RNF220: variants seen among roughly 807,000 people sequenced by gnomAD.
RNF220 encodes the protein ring finger protein 220, also known as E3 ubiquitin-protein ligase RNF220.
RNF220 carries 7 observed loss-of-function variants against 67.1 expected under a neutral mutation model. The observed-to-expected ratio is 0.10, with a 90% CI of 0.06 to 0.20. RNF220 has a LOEUF of 0.20. Ranked by LOEUF, RNF220 falls within the 10% of genes least tolerant of loss-of-function variation. The pLI is 1.00. For missense variants in RNF220, 565 were observed against 740.3 expected (o/e 0.76, Z 2.75); for synonymous variants, 270 against 283.2 (o/e 0.95, Z 0.47).
At chr1:44,607,926 T>C (rs1394353374) in intron 2 of RNF220, among the ~76,000 whole-genome samples, 5 of 32,026 alleles carry the variant, frequency 1.6e-4, no homozygotes, top group South Asian at 1.0e-3. Context: ...TTCTGTGTAC[T>C]TTTTTTTTTT....
Position 44,518,788 on chromosome 1 carries a change from T to C in RNF220, c.626-95377T>C, listed in dbSNP as rs1377411910. Among the ~76,000 whole-genome samples the C allele has an allele frequency of 2.0e-5, 3 of 151,434 alleles. No individual in the cohort carries two copies. In the East Asian group the frequency reaches 5.8e-4, roughly 29 times the overall value. ...TACTCGGGAGGCTGAGGCAGGAGAA[T>C]GGCGTGAACCCGGGAGGCAGAGCTT... On this transcript the variant is annotated intron_variant, in intron 2 of 14. Coordinates refer to ENST00000361799, the MANE Select transcript of RNF220 (RefSeq NM_018150.4).
chr1:44,603,752 C>G (rs972858558), intron 2 of RNF220, among the ~76,000 whole-genome samples: 1 of 152,210 alleles, frequency 6.6e-6, no homozygotes, highest in African/African-American at 2.4e-5. Context: ...TTGTTCCCTC[C>G]CTAGGGTTCT....
At chr1:44,514,077 C>T (rs1054868605) in intron 2 of RNF220, among the ~76,000 whole-genome samples, 7 of 152,034 alleles carry the variant, frequency 4.6e-5, no homozygotes, top group African/African-American at 1.2e-4. Flanking sequence ...ATCCTTGTAT[C>T]GCTTAGTCCT....
chr1:44,405,715 A>G (rs944214487), intron 1 of RNF220, among the ~76,000 whole-genome samples, 185 bp downstream of exon 1: 3 of 150,934 alleles, frequency 2.0e-5, no homozygotes, highest in African/African-American at 2.4e-5. Context: ...ATCGCGACGG[A>G]GCCTCTCGGC....
At chr1:44,436,842 C>T (rs537737743) in intron 2 of RNF220, among the ~76,000 whole-genome samples, 2 of 152,276 alleles carry the variant, frequency 1.3e-5, no homozygotes, top group Middle Eastern at 6.8e-3. Flanking sequence ...AGCGCCCTCT[C>T]GTCTGTTTAC....
intron 2 of RNF220, among the ~76,000 whole-genome samples, chr1:44,502,440 G>T (rs1557988541): frequency 6.6e-6 from 1 of 152,108 alleles, no homozygotes; most frequent in Admixed American, 6.5e-5. Flanking sequence ...ATAAAAATGG[G>T]ATTATTCTTA....
chr1:44,590,674 G>C lies in RNF220; in HGVS notation c.626-23491G>C, dbSNP rs188086923. ...CAGGAGGCCATGGGGAGTGGATGCC[G>C]CTGATACCAGAGATGATGAATAGGA... On this transcript the variant is annotated intron_variant, in intron 2 of 14. Transcript: ENST00000361799. Among the ~76,000 whole-genome samples the C allele has an allele frequency of 4.5e-3, 681 of 152,318 alleles. 2 individuals are homozygous for C. The highest frequency in any genetic ancestry group is 7.1e-3 in the Non-Finnish European group (480 of 68,026).
In RNF220 at chr1:44,412,631, G is replaced by T. The variant is rs749890052; in HGVS notation, c.534G>T (p.Lys178Asn). The change falls in exon 2 of 15, where the codon AAG (lysine) becomes AAT (asparagine). Residue 178 changes from lysine (K) to asparagine (N), a missense_variant. Physicochemically the swap from Lys to Asn is moderately conservative, Grantham distance 94. Coordinates refer to ENST00000361799, the MANE Select transcript of RNF220 (RefSeq NM_018150.4). This position sits in a 1 kb window ranked among gnomAD's most constrained non-coding sequence, Gnocchi z 5.3. ...QLPSSSPGSL[K>N]VDDTGKKIFA... ...CATCTAGCTCCCCCGGTTCACTAAA[G>T]GTTGATGACACTGGGAAGAAGATTT... The T allele has an allele frequency of 6.2e-7, 1 of 1,614,188 alleles. No homozygotes were observed. Among genetic ancestry groups the T allele is most frequent in the Non-Finnish European group, 8.5e-7 (1 of 1,180,030 alleles).
chr1:44,546,221 G>A (rs1662131207), intron 2 of RNF220, among the ~76,000 whole-genome samples: 1 of 152,118 alleles, frequency 6.6e-6, no homozygotes, highest in South Asian at 2.1e-4. Flanking sequence ...GGTTCTTCCG[G>A]CCACCCAGCC....
chr1:44,648,289 T>C (rs1644702938), intron 12 of RNF220: 1 of 152,246 alleles, frequency 6.6e-6, no homozygotes, highest in South Asian at 2.1e-4. Context: ...AATGGAGATA[T>C]TAGAATCTTA....
chr1:44,449,778 G>A (rs920320205), intron 2 of RNF220, among the ~76,000 whole-genome samples: 19 of 152,046 alleles, frequency 1.2e-4, no homozygotes, highest in African/African-American at 4.1e-4. Flanking sequence ...GACATCTACC[G>A]AATACCTAAC....
chr1:44,518,256 T>C (rs563527493), intron 2 of RNF220, among the ~76,000 whole-genome samples: 50 of 151,898 alleles, frequency 3.3e-4, no homozygotes, highest in African/African-American at 9.7e-4. Flanking sequence ...CAAGACCCCA[T>C]CTCTATAAAA....
At chr1:44,614,678 T>G (rs2992506) in intron 3 of RNF220, among the ~76,000 whole-genome samples, 149,934 of 152,216 alleles carry the variant, frequency 0.99, 73,863 homozygotes, top group Non-Finnish European at 1. Context: ...CTTCCTCCAG[T>G]GGGGTGGACA....
intron 2 of RNF220, among the ~76,000 whole-genome samples, chr1:44,561,121 A>T (rs1663535628): frequency 6.6e-6 from 1 of 152,222 alleles, no homozygotes; most frequent in Non-Finnish European, 1.5e-5. Context: ...AAGTAAATGG[A>T]TGATTAGAAA....
intron 2 of RNF220, among the ~76,000 whole-genome samples, chr1:44,552,179 A>C (rs928722822): frequency 1.3e-5 from 2 of 152,218 alleles, no homozygotes; most frequent in Non-Finnish European, 2.9e-5. Flanking sequence ...CCAGATCCTC[A>C]CAATGGCCTC....
At chr1:44,443,297 C>T (rs1222687770) in intron 2 of RNF220, among the ~76,000 whole-genome samples, 1 of 151,772 alleles carries the variant, frequency 6.6e-6, no homozygotes, top group South Asian at 2.1e-4. Context: ...CCTCCATTAC[C>T]TCACCCCTTA....
intron 2 of RNF220, among the ~76,000 whole-genome samples, chr1:44,444,915 T>A (rs1411718908): frequency 1.3e-5 from 2 of 152,222 alleles, no homozygotes. Flanking sequence ...GGGGAAAGTG[T>A]TTCTTCAACT....
intron 2 of RNF220, among the ~76,000 whole-genome samples, chr1:44,455,738 G>A (rs539907214): frequency 6.6e-6 from 1 of 152,198 alleles, no homozygotes; most frequent in Non-Finnish European, 1.5e-5. Context: ...AAGAGGGGTC[G>A]GCACTGGAGA....
intron 2 of RNF220, among the ~76,000 whole-genome samples, chr1:44,431,261 C>T (rs1650335441): frequency 6.6e-6 from 1 of 151,894 alleles, no homozygotes; most frequent in African/African-American, 2.4e-5. Context: ...TTTGGGAGGC[C>T]GAGGTGGGTG....
Sources: allele counts gnomAD v4.1 joint callset (sites outside exome capture counted in the v4.1 genomes callset), GRCh38; gene constraint gnomAD v4.1.1; non-coding constraint Gnocchi (gnomAD v3.1); transcripts MANE v1.5; gene names NCBI Gene and HGNC (gene_info 2026-07-23, HGNC 2026-07-21).